PTPRU: variants seen among roughly 807,000 people sequenced by gnomAD.
The protein encoded by PTPRU is protein tyrosine phosphatase receptor type U.
In PTPRU, 69 loss-of-function variants were observed where a neutral mutation model predicts 166.3. The observed-to-expected ratio is 0.41, with a 90% CI of 0.34 to 0.51. The LOEUF (loss-of-function observed/expected upper bound fraction) is 0.51, where lower values mean the gene tolerates loss of function less well. PTPRU is among the 20% of genes least tolerant of loss of function. The probability of loss-of-function intolerance (pLI) is 0.09; values close to 1 mark genes in which losing one functional copy is unlikely to be tolerated. For synonymous variants in PTPRU, 793 were observed against 814.0 expected (o/e 0.97, Z 0.44); for missense variants, 1,657 against 2,013.7 (o/e 0.82, Z 3.39).
intron 8 of PTPRU, among the ~76,000 whole-genome samples, chr1:29,277,562 G>T (rs1451271283): frequency 6.6e-6 from 1 of 152,112 alleles, no homozygotes; most frequent in Non-Finnish European, 1.5e-5. Context: ...TATTTGAAAA[G>T]AACATGTATT....
intron 5 of PTPRU, 31 bp downstream of exon 5, chr1:29,259,595 C>CGGGGGGGG: frequency 1.9e-5 from 5 of 265,616 alleles, no homozygotes; most frequent in Non-Finnish European, 2.9e-5. Context: ...TGGCTGGGGG[C>CGGGGGGGG]GGGGTGGGAG....
At chr1:29,261,937 T>G (rs1161507578) in intron 7 of PTPRU, among the ~76,000 whole-genome samples, 2 of 152,212 alleles carry the variant, frequency 1.3e-5, no homozygotes, top group African/African-American at 4.8e-5. Context: ...TTTTCTGCAG[T>G]GGTAACATGT....
intron 7 of PTPRU, among the ~76,000 whole-genome samples, chr1:29,263,751 A>G (rs934144486): frequency 1.3e-5 from 2 of 152,208 alleles, no homozygotes; most frequent in African/African-American, 4.8e-5. Context: ...TGATATATCG[A>G]GCATTTTTTC....
chr1:29,288,586 CT>C (rs1686471543), intron 14 of PTPRU, among the ~76,000 whole-genome samples: 1 of 152,150 alleles, frequency 6.6e-6, no homozygotes, highest in South Asian at 2.1e-4. Flanking sequence ...AGGAGATGTG[CT>C]CTGTGACCTG....
chr1:29,295,911 G>T (rs1042455301), intron 15 of PTPRU, among the ~76,000 whole-genome samples: 84 of 151,874 alleles, frequency 5.5e-4, no homozygotes, highest in African/African-American at 2.0e-3. Flanking sequence ...GGCCAGTCTC[G>T]CACTCCTGAC....
intron 15 of PTPRU, among the ~76,000 whole-genome samples, chr1:29,294,138 T>G (rs570223947): frequency 1.6e-4 from 25 of 152,334 alleles, no homozygotes; most frequent in African/African-American, 5.8e-4. Flanking sequence ...ATCTTCAGCT[T>G]AATAAGAGTG....
chr1:29,304,717 A>G, intron 16 of PTPRU, 57 bp from the exon 17 acceptor site: 1 of 1,328,020 alleles, frequency 7.5e-7, no homozygotes, highest in Non-Finnish European at 1.0e-6. Context: ...ACTGAGGGGA[A>G]GGGGCCCTCA....
rs757422684 is a variant in PTPRU at position 29,255,241 on chromosome 1, C to G, written c.74-34C>G. ...GAGCCCTCCTGGCCAGCAGCCCTGCCTTAGCCTGGGCTAACCAGGCCCTGC... is the reference window on the plus strand; with the variant it reads ...GAGCCCTCCTGGCCAGCAGCCCTGCGTTAGCCTGGGCTAACCAGGCCCTGC... On this transcript the variant is annotated intron_variant, in intron 1 of 29. Transcript: ENST00000373779. The G allele has an allele frequency of 1.4e-5, 22 of 1,604,068 alleles. No individual in the cohort carries two copies. In the African/African-American group the frequency reaches 2.8e-4, roughly 21 times the overall value.
chr1:29,291,671 A>C lies in PTPRU; in HGVS notation c.2319-198A>C, dbSNP rs1007519353. ...AAGGTCCCTAGGACGGGCTCTGCCA[A>C]GCCCTTTTCAGGGAAGAAGCAGCTC... On this transcript the variant is annotated intron_variant, in intron 14 of 29. Coordinates refer to ENST00000373779, the MANE Select transcript of PTPRU (RefSeq NM_133178.4). This position sits in a 1 kb window ranked among gnomAD's most constrained non-coding sequence, Gnocchi z 4.1. 6.6e-6 allele frequency among the ~76,000 whole-genome samples: 1 copy of C among 152,194 alleles called. No homozygotes were observed. Among genetic ancestry groups the C allele is most frequent in the Non-Finnish European group, 1.5e-5 (1 of 68,028 alleles).
At chr1:29,256,798 G>A (rs1684790976) in intron 2 of PTPRU, among the ~76,000 whole-genome samples, 1 of 152,320 alleles carries the variant, frequency 6.6e-6, no homozygotes, top group East Asian at 1.9e-4. Context: ...GTACAAGGCA[G>A]CTGATTGGAA....
chr1:29,236,728 G>C lies in PTPRU; in HGVS notation c.73+11G>C. On this transcript the variant is annotated intron_variant, in intron 1 of 29. Coordinates refer to ENST00000373779, the MANE Select transcript of PTPRU (RefSeq NM_133178.4). This position sits in a 1 kb window ranked among gnomAD's most constrained non-coding sequence, Gnocchi z 4.6. ...CCGAGACTCCGGCAGGTAAGCGCGC[G>C]GCGGCCGGACCGAGCCTGCCCCGCC... The C allele has an allele frequency of 7.0e-7, 1 of 1,425,666 alleles. No individual in the cohort carries two copies. Among genetic ancestry groups the C allele is most frequent in the South Asian group, 1.5e-5 (1 of 68,112 alleles). 88.3% of individuals were successfully genotyped at this position (1,425,666 alleles called of 1,614,324 possible). A position where few individuals can be genotyped will look rare whatever the true frequency, so the allele number is the denominator to read the frequency against.
intron 26 of PTPRU, 129 bp from the exon 27 acceptor site, chr1:29,323,240 CTG>C (rs1348249097): frequency 8.0e-7 from 1 of 1,252,638 alleles, no homozygotes; most frequent in African/African-American, 1.5e-5. Context: ...GAAGGTGAGT[CTG>C]GAGTGAGTGG....
At chr1:29,318,359 G>T (rs192075089) in intron 25 of PTPRU, among the ~76,000 whole-genome samples, 1 of 152,204 alleles carries the variant, frequency 6.6e-6, no homozygotes, top group South Asian at 2.1e-4. Flanking sequence ...CCCTGGGTGG[G>T]CATGGGCCCT....
At chr1:29,325,388 C>T in intron 29 of PTPRU, 62 bp downstream of exon 29, 1 of 1,579,910 alleles carries the variant, frequency 6.3e-7, no homozygotes, top group Non-Finnish European at 8.7e-7. Context: ...AGGCCAGGTT[C>T]CTTAGCACCC....
rs147358880 is a variant in PTPRU, at chr1:29,292,103, G to T, written c.2476+77G>T. 559 of 1,543,392 alleles carry T rather than the reference G, an allele frequency of 3.6e-4. 4 individuals carry two copies. The East Asian group carries it at 5.4e-3, about 15-fold the overall frequency. On this transcript the variant is annotated intron_variant, in intron 15 of 29. Transcript: ENST00000373779. Reference sequence around the variant, plus strand: ...TGAGACAATAGGGTCCCCACATCAGGTGAGTTCTGTAACACCTGCAACCAA... The same window carrying T: ...TGAGACAATAGGGTCCCCACATCAGTTGAGTTCTGTAACACCTGCAACCAA...
Position 29,311,636 on chromosome 1 carries a change from C to A in PTPRU, c.2956-7C>A, listed in dbSNP as rs114570032. ...GCCCACTGAGTCCCGTCCTGTGGGG[C>A]CTCTAGGTGAAATGCTCACGGTACT... is the stretch of plus-strand genomic sequence containing the variant. On this transcript the variant is annotated splice_polypyrimidine_tract_variant and splice_region_variant and intron_variant, in intron 20 of 29. Coordinates refer to ENST00000373779, the MANE Select transcript of PTPRU (RefSeq NM_133178.4). The surrounding 1 kb of genome is among the most constrained non-coding windows in gnomAD (Gnocchi z 4.1). 1.2e-6 allele frequency: 2 copies of A among 1,613,838 alleles called. No homozygotes were observed. The highest frequency in any genetic ancestry group is 2.7e-5 in the African/African-American group (2 of 74,936).
intron 11 of PTPRU, among the ~76,000 whole-genome samples, chr1:29,281,784 T>A (rs1337121446): frequency 1.3e-5 from 2 of 152,160 alleles, no homozygotes; most frequent in South Asian, 2.1e-4. Context: ...AAACATCTGG[T>A]GAGCAAGGAA....
chr1:29,319,081 C>T (rs1252204026), intron 25 of PTPRU, among the ~76,000 whole-genome samples: 1 of 150,144 alleles, frequency 6.7e-6, no homozygotes, highest in East Asian at 1.9e-4. Context: ...GCCCTAGCCA[C>T]TGATGAGAGA....
chr1:29,311,454 AG>A lies in PTPRU; in HGVS notation c.2859del. ...ACAGGCACCCTCTGCCTGCATCCCCAGGGCCGAAGCCTGAGATGGTCTATGA... is the reference window on the plus strand; with the variant it reads ...ACAGGCACCCTCTGCCTGCATCCCCAGGCCGAAGCCTGAGATGGTCTATGA... On this transcript the variant is annotated splice_acceptor_variant, in intron 19 of 29. Coordinates refer to ENST00000373779, the MANE Select transcript of PTPRU (RefSeq NM_133178.4). LOFTEE classifies it high-confidence loss of function. The surrounding 1 kb of genome is among the most constrained non-coding windows in gnomAD (Gnocchi z 4.1). 6.2e-7 allele frequency: 1 copy of A among 1,614,040 alleles called. No homozygotes were observed. The highest frequency in any genetic ancestry group is 8.5e-7 in the Non-Finnish European group (1 of 1,180,006).
Sources: gnomAD v4.1 joint callset for allele counts (sites outside exome capture counted in the v4.1 genomes callset) on GRCh38, gnomAD v4.1.1 for gene constraint, Gnocchi (gnomAD v3.1) non-coding constraint, MANE v1.5 for transcripts, NCBI Gene and HGNC (gene_info 2026-07-23, HGNC 2026-07-21) for gene names.